Variants in NUS1 observed in about 807,000 individuals in gnomAD.
NUS1 encodes the protein NUS1 dehydrodolichyl diphosphate synthase subunit, also known as dehydrodolichyl diphosphate synthase complex subunit NUS1.
For missense variants in NUS1, 292 were observed against 382.9 expected, an observed-to-expected ratio of 0.76 and a Z score of 1.98; for synonymous variants, 135 against 155.2, an observed-to-expected ratio of 0.87 and a Z score of 0.97.
intron 1 of NUS1, among the ~76,000 whole-genome samples, chr6:117,677,845 C>T (rs1247004925): frequency 2.6e-5 from 4 of 152,162 alleles, no homozygotes; most frequent in Non-Finnish European, 4.4e-5. Flanking sequence ...ACCAATGCAA[C>T]CAGTTTTGCT....
chr6:117,692,059 G>T (rs1174866591), intron 1 of NUS1, among the ~76,000 whole-genome samples: 2 of 151,976 alleles, frequency 1.3e-5, no homozygotes, highest in Non-Finnish European at 2.9e-5. Context: ...ATAAATAGAG[G>T]TACAACTGGT....
intron 1 of NUS1, among the ~76,000 whole-genome samples, chr6:117,676,384 G>A (rs1772981880): frequency 1.3e-5 from 2 of 152,154 alleles, no homozygotes; most frequent in South Asian, 2.1e-4. Context: ...TTCGAGACCA[G>A]CCTGACTAAC....
At chr6:117,691,174 A>G (rs1013855534) in intron 1 of NUS1, among the ~76,000 whole-genome samples, 2 of 151,810 alleles carry the variant, frequency 1.3e-5, no homozygotes, top group South Asian at 2.1e-4. Context: ...TTGCCCTTCT[A>G]TATGCTGTTG....
chr6:117,692,553 G>A (rs532045127), intron 1 of NUS1, among the ~76,000 whole-genome samples: 3 of 151,764 alleles, frequency 2.0e-5, no homozygotes, highest in African/African-American at 7.3e-5. Flanking sequence ...CTCTTTTTAC[G>A]TAATCCTTAT....
intron 3 of NUS1, 70 bp downstream of exon 3, chr6:117,694,250 G>A (rs1271657370): frequency 4.6e-6 from 4 of 863,660 alleles, no homozygotes; most frequent in African/African-American, 1.8e-5. Context: ...TGTCACACGA[G>A]GATACAGTAT....
At chr6:117,679,600 G>T (rs1300441190) in intron 1 of NUS1, among the ~76,000 whole-genome samples, 1 of 152,184 alleles carries the variant, frequency 6.6e-6, no homozygotes, top group Non-Finnish European at 1.5e-5. Flanking sequence ...GGACCCAAAG[G>T]TTTCTCCTTA....
rs1325268022 is a variant in NUS1 at position 117,708,734 on chromosome 6, A to G, written c.*1719A>G. Reference sequence around the variant, plus strand: ...ATTTCTGATTCCTTATACTGTGATTATATTATATTGAGGCATTTGTAGTGC... The same window carrying G: ...ATTTCTGATTCCTTATACTGTGATTGTATTATATTGAGGCATTTGTAGTGC... On this transcript the variant is annotated 3_prime_UTR_variant, in exon 5 of 5. Coordinates refer to ENST00000368494, the MANE Select transcript of NUS1 (RefSeq NM_138459.5). 1 of 152,270 alleles carries G rather than the reference A, an allele frequency of 6.6e-6. No homozygotes were observed. Among genetic ancestry groups the G allele is most frequent in the Non-Finnish European group, 1.5e-5 (1 of 67,942 alleles). The allele number at this position is 152,270 out of a possible 1,614,324, so 9.4% of individuals were successfully genotyped here. A position where few individuals can be genotyped will look rare whatever the true frequency, so the allele number is the denominator to read the frequency against.
At chr6:117,694,792 G>A (rs145906279) in intron 3 of NUS1, among the ~76,000 whole-genome samples, 14 of 152,194 alleles carry the variant, frequency 9.2e-5, no homozygotes, top group African/African-American at 3.1e-4. Flanking sequence ...TCCTTTTGAA[G>A]AAAGACAATC....
intron 1 of NUS1, among the ~76,000 whole-genome samples, chr6:117,688,254 A>G (rs1186717154): frequency 6.6e-6 from 1 of 152,164 alleles, no homozygotes; most frequent in Admixed American, 6.5e-5. Context: ...AATAAAGAAC[A>G]GCACAATGGC....
At position 117,675,694 on chromosome 6, in the gene NUS1, G is replaced by A. The variant is rs745434007; in HGVS notation, c.24G>A (p.Val8=). MTGLYEL[V]WRVLHALLCL... ...GTATGACGGGGCTGTACGAGCTGGT[G>A]TGGCGGGTGCTGCACGCGCTGCTCT... The change falls in exon 1 of 5, where the codon GTG becomes GTA. Residue 8 remains valine (V), a synonymous_variant. Coordinates refer to ENST00000368494, the MANE Select transcript of NUS1 (RefSeq NM_138459.5). 5.3e-5 allele frequency: 79 copies of A among 1,502,170 alleles called. No individual in the cohort carries two copies. The highest frequency in any genetic ancestry group is 7.0e-5 in the Non-Finnish European group (78 of 1,116,952). The allele number at this position is 1,502,170 out of a possible 1,614,324, so 93.1% of individuals were successfully genotyped here. A position where few individuals can be genotyped will look rare whatever the true frequency, so the allele number is the denominator to read the frequency against.
In NUS1 at chr6:117,683,739, A is replaced by C. The variant is rs986499697; in HGVS notation, c.415+7654A>C. ...AATAAATAATCACAGTAAAAATTCCAGTTTCAGATTTAAAAGAGATAGTAA... is the reference window on the plus strand; with the variant it reads ...AATAAATAATCACAGTAAAAATTCCCGTTTCAGATTTAAAAGAGATAGTAA... On this transcript the variant is annotated intron_variant, in intron 1 of 4. Transcript: ENST00000368494. Among the ~76,000 whole-genome samples, 6 of 152,330 alleles carry C rather than the reference A, an allele frequency of 3.9e-5. No individual in the cohort carries two copies. The East Asian group carries it at 1.2e-3, about 29-fold the overall frequency.
chr6:117,700,589 A>G (rs1402381014), intron 3 of NUS1, among the ~76,000 whole-genome samples: 1 of 152,230 alleles, frequency 6.6e-6, no homozygotes, highest in Non-Finnish European at 1.5e-5. Context: ...AAAACTAAAC[A>G]TTGAGCTACC....
chr6:117,680,920 G>A (rs989243489), intron 1 of NUS1, among the ~76,000 whole-genome samples: 9 of 152,056 alleles, frequency 5.9e-5, no homozygotes, highest in Non-Finnish European at 1.0e-4. Flanking sequence ...AATGGTTTTT[G>A]GGTACAGGTT....
chr6:117,677,993 TTGACTTGA>T (rs1350855029), intron 1 of NUS1, among the ~76,000 whole-genome samples: 1 of 152,246 alleles, frequency 6.6e-6, no homozygotes, highest in Non-Finnish European at 1.5e-5. Flanking sequence ...GCTAAATTGT[TTGACTTGA>T]TGACCGTGCC....
intron 1 of NUS1, among the ~76,000 whole-genome samples, chr6:117,690,540 C>T (rs1193612932): frequency 6.6e-6 from 1 of 152,188 alleles, no homozygotes; most frequent in Non-Finnish European, 1.5e-5. Context: ...GATCCCTACT[C>T]ACATTGGTGC....
rs181319692 is a variant in NUS1, at chr6:117,693,236, T to A, written c.541+69T>A. On this transcript the variant is annotated intron_variant, in intron 2 of 4. Transcript: ENST00000368494. ...GTGTTTTGTGTTTCATGGCAATTTC[T>A]GTTACTCTGTCATTTATTCATTCAC... 38 of 1,426,286 alleles carry A rather than the reference T, an allele frequency of 2.7e-5. 1 individual carries two copies. In the Middle Eastern group the frequency reaches 8.8e-4, roughly 33 times the overall value. The allele number at this position is 1,426,286 out of a possible 1,614,324, so 88.4% of individuals were successfully genotyped here. A position where few individuals can be genotyped will look rare whatever the true frequency, so the allele number is the denominator to read the frequency against.
intron 1 of NUS1, among the ~76,000 whole-genome samples, chr6:117,683,654 CTT>C (rs61101269): frequency 0.064 from 9,759 of 151,884 alleles, 354 homozygotes; most frequent in African/African-American, 0.092. Context: ...ATTTTTTTCT[CTT>C]GTTTGTTCTT....
intron 1 of NUS1, 51 bp downstream of exon 1, chr6:117,676,136 G>A: frequency 6.5e-7 from 1 of 1,548,998 alleles, no homozygotes. Flanking sequence ...TGGACCGCTA[G>A]ACCGCTGGTC....
At chr6:117,703,157 G>A (rs955294847) in intron 3 of NUS1, among the ~76,000 whole-genome samples, 16 of 152,130 alleles carry the variant, frequency 1.1e-4, no homozygotes, top group Admixed American at 3.9e-4. Context: ...AGGGAAGGAA[G>A]GAGAATAGAT....
Sources: gnomAD v4.1 joint callset for allele counts (sites outside exome capture counted in the v4.1 genomes callset) on GRCh38, gnomAD v4.1.1 for gene constraint, MANE v1.5 for transcripts, NCBI Gene and HGNC (gene_info 2026-07-23, HGNC 2026-07-21) for gene names.